Variants in RCSD1 observed in about 807,000 individuals in gnomAD.
RCSD1 encodes RCSD domain containing 1.
A neutral mutation model predicts 42.5 loss-of-function variants in RCSD1; 26 were observed. The ratio of observed to expected loss-of-function variants is 0.61; its 90% confidence interval spans 0.45 to 0.85. The LOEUF (loss-of-function observed/expected upper bound fraction) is 0.85, where lower values mean the gene tolerates loss of function less well. RCSD1 is among the 40% of genes least tolerant of loss of function. The pLI is 0.00. For missense variants in RCSD1, 571 were observed against 528.3 expected (o/e 1.08, Z -0.79); for synonymous variants, 220 against 212.2 (o/e 1.04, Z -0.32).
chr1:167,649,937 CTG>C (rs1279828374), intron 1 of RCSD1, among the ~76,000 whole-genome samples: 1 of 152,154 alleles, frequency 6.6e-6, no homozygotes, highest in African/African-American at 2.4e-5. Context: ...TAAAGATGCA[CTG>C]TGTGTGTCCA....
intron 1 of RCSD1, among the ~76,000 whole-genome samples, chr1:167,646,482 A>G (rs1396981703): frequency 1.4e-5 from 2 of 146,950 alleles, no homozygotes; most frequent in Non-Finnish European, 3.0e-5. Context: ...AGAAAGACTC[A>G]ATTTTGTGTG....
chr1:167,667,329 A>G (rs1381523874), intron 1 of RCSD1, among the ~76,000 whole-genome samples: 2 of 152,228 alleles, frequency 1.3e-5, no homozygotes, highest in Non-Finnish European at 2.9e-5. Flanking sequence ...AGACCGGACC[A>G]GAGATGTGGA....
At position 167,683,419 on chromosome 1, in the gene RCSD1, C is replaced by A. The variant is rs114541267; in HGVS notation, c.7-481C>A. Among the ~76,000 whole-genome samples, 424 of 152,302 alleles carry A rather than the reference C, an allele frequency of 2.8e-3. 3 individuals are homozygous for A. The highest frequency in any genetic ancestry group is 9.7e-3 in the African/African-American group (402 of 41,534). On this transcript the variant is annotated intron_variant, in intron 1 of 6. Transcript: ENST00000367854. Reference sequence around the variant, plus strand: ...CACTGTGCTATCTGCTCTCGTGTCACTTACTTATTAATTCCACAAATATTT... The same window carrying A: ...CACTGTGCTATCTGCTCTCGTGTCAATTACTTATTAATTCCACAAATATTT...
At chr1:167,695,606 T>C (rs191780161) in intron 5 of RCSD1, among the ~76,000 whole-genome samples, 155 of 151,726 alleles carry the variant, frequency 1.0e-3, no homozygotes, top group Middle Eastern at 3.4e-3. Context: ...TGGTGCGATA[T>C]TGGCTCATCG....
At chr1:167,694,332 T>A (rs1659447782) in intron 5 of RCSD1, 30 bp downstream of exon 5, 1 of 1,599,626 alleles carries the variant, frequency 6.3e-7, no homozygotes, top group Non-Finnish European at 8.5e-7. Context: ...TATGGCGGTG[T>A]GTCTGTGGAA....
At chr1:167,679,835 A>C (rs1460140081) in intron 1 of RCSD1, among the ~76,000 whole-genome samples, 1 of 152,214 alleles carries the variant, frequency 6.6e-6, no homozygotes, top group Non-Finnish European at 1.5e-5. Context: ...AAGCAGGTAG[A>C]GCCTAGTCTG....
chr1:167,706,498 A>G lies in RCSD1; in HGVS notation c.*1802A>G, dbSNP rs1328877824. 6.6e-6 allele frequency among the ~76,000 whole-genome samples: 1 copy of G among 152,194 alleles called. No individual in the cohort carries two copies. Among genetic ancestry groups the G allele is most frequent in the Non-Finnish European group, 1.5e-5 (1 of 68,046 alleles). ...GCCACTTTACTTGAGGAAGGCATGG[A>G]ACAGAAAGTATGGGGTTTAGATATG... On this transcript the variant is annotated 3_prime_UTR_variant, in exon 7 of 7. Transcript: ENST00000367854.
At chr1:167,688,087 A>G (rs1456109316) in intron 3 of RCSD1, among the ~76,000 whole-genome samples, 1 of 152,178 alleles carries the variant, frequency 6.6e-6, no homozygotes, top group Non-Finnish European at 1.5e-5. Context: ...GTTAAACCGT[A>G]AGGGAAATGA....
intron 1 of RCSD1, among the ~76,000 whole-genome samples, chr1:167,676,747 C>T (rs573711443): frequency 9.2e-5 from 14 of 152,346 alleles, no homozygotes; most frequent in Admixed American, 2.6e-4. Flanking sequence ...CACAGACCCC[C>T]ACCTGGAGGA....
In RCSD1 at chr1:167,675,002, C is replaced by G. The variant is rs140416132; in HGVS notation, c.7-8898C>G. On this transcript the variant is annotated intron_variant, in intron 1 of 6. Transcript: ENST00000367854. ...TGGGTGAATCACAAAGTCAGGAGAT[C>G]AAGACCATCCTGGCTAACACAGTGA... Among the ~76,000 whole-genome samples, 1,396 of 151,970 alleles carry G rather than the reference C, an allele frequency of 9.2e-3. 23 individuals carry two copies. Among genetic ancestry groups the G allele is most frequent in the African/African-American group, 0.032 (1,305 of 41,416 alleles).
In RCSD1 at chr1:167,658,724, C is replaced by G. The variant is rs191177066; in HGVS notation, c.7-25176C>G. On this transcript the variant is annotated intron_variant, in intron 1 of 6. Transcript: ENST00000367854. ...GGGATTACAAGCATGAGTCACCATGCCTGGCCTAGTTCATTCTTTTTAATG... is the reference window on the plus strand; with the variant it reads ...GGGATTACAAGCATGAGTCACCATGGCTGGCCTAGTTCATTCTTTTTAATG... Among the ~76,000 whole-genome samples, 375 of 152,258 alleles carry G rather than the reference C, an allele frequency of 2.5e-3. 1 individual carries two copies. The highest frequency in any genetic ancestry group is 8.5e-3 in the African/African-American group (354 of 41,540).
chr1:167,668,120 C>T lies in RCSD1; in HGVS notation c.7-15780C>T, dbSNP rs139333861. Reference sequence around the variant, plus strand: ...AGCCTGGCCAACATAGTGAAACCCCCGTCTCTACTAAAAATTAGCAAATTA... The same window carrying T: ...AGCCTGGCCAACATAGTGAAACCCCTGTCTCTACTAAAAATTAGCAAATTA... On this transcript the variant is annotated intron_variant, in intron 1 of 6. Coordinates refer to ENST00000367854, the MANE Select transcript of RCSD1 (RefSeq NM_052862.4). Among the ~76,000 whole-genome samples, 513 of 152,138 alleles carry T rather than the reference C, an allele frequency of 3.4e-3. 5 individuals are homozygous for T. The highest frequency in any genetic ancestry group is 0.011 in the African/African-American group (474 of 41,484).
intron 5 of RCSD1, among the ~76,000 whole-genome samples, chr1:167,695,470 G>A (rs1374428851): frequency 1.3e-5 from 2 of 151,884 alleles, no homozygotes; most frequent in African/African-American, 4.8e-5. Context: ...TGGGGAACTA[G>A]GATTGACAAA....
chr1:167,661,969 C>G lies in RCSD1; in HGVS notation c.7-21931C>G, dbSNP rs577489907. Among the ~76,000 whole-genome samples the G allele has an allele frequency of 3.9e-5, 6 of 152,324 alleles. No individual in the cohort carries two copies. In the East Asian group the frequency reaches 1.2e-3, roughly 29 times the overall value. On this transcript the variant is annotated intron_variant, in intron 1 of 6. Transcript: ENST00000367854. ...ATAATGCACAGATTGATCTGTGCAG[C>G]AACCTTGTATGTTAACCTCTGCTTA... is the stretch of plus-strand genomic sequence containing the variant.
chr1:167,638,110 T>A (rs1486067716), intron 1 of RCSD1, among the ~76,000 whole-genome samples: 1 of 152,204 alleles, frequency 6.6e-6, no homozygotes, highest in Admixed American at 6.5e-5. Context: ...ATGCGTGAGC[T>A]AAATGTACGC....
At chr1:167,658,998 C>T (rs61690137) in intron 1 of RCSD1, among the ~76,000 whole-genome samples, 1 of 152,092 alleles carries the variant, frequency 6.6e-6, no homozygotes, top group Non-Finnish European at 1.5e-5. Flanking sequence ...CACATTTACT[C>T]CAGCAATATA....
intron 1 of RCSD1, among the ~76,000 whole-genome samples, chr1:167,657,814 A>G (rs1658455884): frequency 6.6e-6 from 1 of 152,140 alleles, no homozygotes; most frequent in East Asian, 1.9e-4. Context: ...TCCATATTAT[A>G]TATCTTGACA....
At chr1:167,671,695 C>T (rs1379298319) in intron 1 of RCSD1, among the ~76,000 whole-genome samples, 1 of 152,240 alleles carries the variant, frequency 6.6e-6, no homozygotes, top group Non-Finnish European at 1.5e-5. Flanking sequence ...CCCCAGGCCA[C>T]ACATGTCTTA....
intron 1 of RCSD1, among the ~76,000 whole-genome samples, chr1:167,635,459 G>A (rs1334759222): frequency 6.6e-6 from 1 of 152,202 alleles, no homozygotes; most frequent in Non-Finnish European, 1.5e-5. Flanking sequence ...ATCACAGGAG[G>A]GGGTGAATGT....
Sources: allele counts gnomAD v4.1 joint callset (sites outside exome capture counted in the v4.1 genomes callset), GRCh38; gene constraint gnomAD v4.1.1; transcripts MANE v1.5; gene names NCBI Gene and HGNC (gene_info 2026-07-23, HGNC 2026-07-21).